The following AATF variants were observed in gnomAD, a reference collection of about 807,000 sequenced individuals.
The protein encoded by AATF is protein AATF.
In AATF, 48 loss-of-function variants were observed where a neutral mutation model predicts 63.7. The observed-to-expected ratio is 0.75, with a 90% CI of 0.60 to 0.96. The LOEUF (loss-of-function observed/expected upper bound fraction) is 0.96, where lower values mean the gene tolerates loss of function less well. Ranked by LOEUF, AATF falls within the 40% of genes least tolerant of loss-of-function variation. The probability of loss-of-function intolerance (pLI) is 0.00; values close to 1 mark genes in which losing one functional copy is unlikely to be tolerated. For synonymous variants in AATF, 258 were observed against 247.7 expected (o/e 1.04, Z -0.39); for missense variants, 639 against 685.7 (o/e 0.93, Z 0.76).
chr17:37,026,022 AC>A (rs1006983808), intron 10 of AATF, among the ~76,000 whole-genome samples: 2 of 152,160 alleles, frequency 1.3e-5, no homozygotes, highest in African/African-American at 4.8e-5. Flanking sequence ...ACATATCTAT[AC>A]CCCCTGTGTC....
intron 8 of AATF, among the ~76,000 whole-genome samples, chr17:37,010,105 G>T (rs1029154276): frequency 6.6e-6 from 1 of 152,158 alleles, no homozygotes; most frequent in Admixed American, 6.5e-5. Flanking sequence ...AATGGTATGT[G>T]TGTGTGGTGG....
chr17:37,051,697 G>GACAGACAGACAGACACACAC (rs1242892984), intron 11 of AATF, among the ~76,000 whole-genome samples: 5 of 137,140 alleles, frequency 3.6e-5, no homozygotes, highest in African/African-American at 1.4e-4. Context: ...CAGACAGACA[G>GACAGACAGACAGACACACAC]ACACACACAC....
intron 4 of AATF, among the ~76,000 whole-genome samples, chr17:36,955,495 T>C (rs1423286469): frequency 6.6e-6 from 1 of 152,166 alleles, no homozygotes; most frequent in Non-Finnish European, 1.5e-5. Context: ...GACAGATTGA[T>C]GGTTTTCAAG....
At chr17:37,022,137 TGTGTGTGTGTGTGTGA>T (rs1166208895) in intron 10 of AATF, among the ~76,000 whole-genome samples, 1 of 149,344 alleles carries the variant, frequency 6.7e-6, no homozygotes, top group African/African-American at 2.5e-5. Flanking sequence ...TGTGTGTGTG[TGTGTGTGTGTGTGTGA>T]GAAACACAGT....
At chr17:36,971,987 T>C (rs2071042912) in intron 4 of AATF, among the ~76,000 whole-genome samples, 2 of 152,202 alleles carry the variant, frequency 1.3e-5, no homozygotes, top group South Asian at 2.1e-4. Flanking sequence ...CCTTGGAGTA[T>C]TTTCCACCTG....
intron 4 of AATF, among the ~76,000 whole-genome samples, chr17:36,961,534 A>G (rs892101949): frequency 2.6e-5 from 4 of 152,204 alleles, no homozygotes; most frequent in Admixed American, 6.5e-5. Context: ...AGTATATTCT[A>G]TAATCACAGT....
chr17:37,055,401 A>G (rs1712909216), intron 11 of AATF: 1 of 152,016 alleles, frequency 6.6e-6, no homozygotes. Flanking sequence ...CTTTATTCCT[A>G]TCCATAACTA....
intron 8 of AATF, among the ~76,000 whole-genome samples, chr17:37,009,540 G>A (rs1472662842): frequency 6.6e-5 from 10 of 151,748 alleles, no homozygotes; most frequent in South Asian, 6.2e-4. Flanking sequence ...CATCCAGGCC[G>A]GGCGCGGTGG....
intron 4 of AATF, among the ~76,000 whole-genome samples, chr17:36,986,161 C>G (rs2071167360): frequency 1.3e-5 from 2 of 152,126 alleles, no homozygotes; most frequent in African/African-American, 4.8e-5. Context: ...GATGCCTAGA[C>G]AAAGTCCTAC....
At chr17:36,993,035 C>G (rs1039083102) in intron 8 of AATF, among the ~76,000 whole-genome samples, 3 of 152,192 alleles carry the variant, frequency 2.0e-5, no homozygotes, top group Admixed American at 6.5e-5. Flanking sequence ...TCAGTAGGAA[C>G]TGGACCAGTT....
intron 8 of AATF, 26 bp from the exon 9 acceptor site, chr17:37,018,979 A>T (rs922557391): frequency 1.7e-5 from 27 of 1,603,004 alleles, no homozygotes; most frequent in Non-Finnish European, 2.3e-5. Context: ...TGATAAATAA[A>T]TTCGTTGCTT....
chr17:37,046,436 C>T lies in AATF; in HGVS notation c.1620-10165C>T, dbSNP rs569297562. Among the ~76,000 whole-genome samples the T allele has an allele frequency of 8.7e-4, 133 of 152,060 alleles. 1 individual carries two copies. Among genetic ancestry groups the T allele is most frequent in the Admixed American group, 2.6e-3 (40 of 15,266 alleles). On this transcript the variant is annotated intron_variant, in intron 11 of 11. Transcript: ENST00000619387. ...CCTTGAACGCTCGGGGGGAGACTTC[C>T]GGGTAGGGCAGCTGGCCAGCAGCTG...
intron 8 of AATF, among the ~76,000 whole-genome samples, chr17:37,015,698 G>C (rs898089234): frequency 6.6e-6 from 1 of 152,168 alleles, no homozygotes; most frequent in Non-Finnish European, 1.5e-5. Flanking sequence ...AATTTTGGGG[G>C]TGGGAGGGCA....
chr17:36,995,892 G>A (rs535694609), intron 8 of AATF, among the ~76,000 whole-genome samples: 28 of 151,982 alleles, frequency 1.8e-4, no homozygotes, highest in Admixed American at 3.3e-4. Flanking sequence ...TCTTACTATT[G>A]GCATATATCT....
intron 8 of AATF, among the ~76,000 whole-genome samples, chr17:37,005,469 A>G (rs1390263864): frequency 1.3e-5 from 2 of 152,202 alleles, no homozygotes; most frequent in East Asian, 1.9e-4. Flanking sequence ...TGCTGGAAAT[A>G]TAGGGAGAGA....
At chr17:37,036,073 C>T (rs1257000220) in intron 11 of AATF, among the ~76,000 whole-genome samples, 1 of 152,158 alleles carries the variant, frequency 6.6e-6, no homozygotes, top group African/African-American at 2.4e-5. Flanking sequence ...AACAGATGCA[C>T]ACCACCACAC....
intron 5 of AATF, among the ~76,000 whole-genome samples, chr17:36,988,053 C>T (rs1291732025): frequency 6.6e-6 from 1 of 151,938 alleles, no homozygotes; most frequent in Non-Finnish European, 1.5e-5. Context: ...TGGCTCATGC[C>T]CTGTAATCCC....
At chr17:36,954,065 C>CTTT (rs878859973) in intron 4 of AATF, among the ~76,000 whole-genome samples, 158 bp downstream of exon 4, 38 of 122,430 alleles carry the variant, frequency 3.1e-4, no homozygotes, top group Non-Finnish European at 4.3e-4. Context: ...TTCCAAGTTG[C>CTTT]TTTTTTTTTT....
rs2071663686 is a variant in AATF, at chr17:37,043,673, C to G, written c.1619+11988C>G. ...ATTTTAATTTCAATTGTAGTATTTG[C>G]AAAACACTTCACTTAAGGTCTTTTT... On this transcript the variant is annotated intron_variant, in intron 11 of 11. Transcript: ENST00000619387. Among the ~76,000 whole-genome samples the G allele has an allele frequency of 2.0e-5, 3 of 152,180 alleles. No homozygotes were observed. The South Asian group carries it at 6.2e-4, about 32-fold the overall frequency.
Sources: gnomAD v4.1 joint callset for allele counts (sites outside exome capture counted in the v4.1 genomes callset) on GRCh38, gnomAD v4.1.1 for gene constraint, MANE v1.5 for transcripts, NCBI Gene and HGNC (gene_info 2026-07-23, HGNC 2026-07-21) for gene names.